The following IRAG1 variants were observed in gnomAD, a reference collection of about 807,000 sequenced individuals.
IRAG1 encodes IP3R-associated cGMP kinase substrate.
IRAG1 carries 62 observed loss-of-function variants against 106.2 expected under a neutral mutation model. The observed-to-expected ratio is 0.58, with a 90% CI of 0.48 to 0.72. IRAG1 has a LOEUF of 0.72. Ranked by LOEUF, IRAG1 falls within the 30% of genes least tolerant of loss-of-function variation. IRAG1 has a pLI of 0.00. For missense variants in IRAG1, 1,064 were observed against 1,140.7 expected (o/e 0.93, Z 0.97); for synonymous variants, 462 against 443.9 (o/e 1.04, Z -0.51).
intron 20 of IRAG1, among the ~76,000 whole-genome samples, chr11:10,578,231 A>G (rs937937114): frequency 4.0e-5 from 6 of 150,854 alleles, no homozygotes; most frequent in African/African-American, 1.2e-4. Context: ...CTGTTTCCTG[A>G]GAGTTATTGG....
chr11:10,620,599 A>C (rs1211527699), intron 10 of IRAG1, among the ~76,000 whole-genome samples: 1 of 152,344 alleles, frequency 6.6e-6, no homozygotes, highest in Admixed American at 6.5e-5. Context: ...GAAATTTCAC[A>C]CTAATAATAA....
chr11:10,616,930 G>C (rs1284074271), intron 10 of IRAG1: 1 of 590,928 alleles, frequency 1.7e-6, no homozygotes, highest in Non-Finnish European at 2.1e-6. Context: ...ATTTGTTTCT[G>C]ACCATGTCAG....
At chr11:10,641,223 G>A (rs1366341980) in intron 2 of IRAG1, among the ~76,000 whole-genome samples, 2 of 152,244 alleles carry the variant, frequency 1.3e-5, no homozygotes, top group African/African-American at 4.8e-5. Flanking sequence ...CTGTGGAAGT[G>A]CACCTAGCAC....
intron 18 of IRAG1, among the ~76,000 whole-genome samples, chr11:10,584,239 G>A (rs1006979585): frequency 7.2e-5 from 11 of 152,160 alleles, no homozygotes; most frequent in Admixed American, 5.9e-4. Flanking sequence ...TGAACTCTCA[G>A]ACAGGGTTTA....
chr11:10,689,057 A>G (rs1229521824), intron 1 of IRAG1, among the ~76,000 whole-genome samples: 1 of 152,262 alleles, frequency 6.6e-6, no homozygotes, highest in Non-Finnish European at 1.5e-5. Context: ...GTTAGCTACC[A>G]TTGTCATTAC....
At chr11:10,631,969 C>T in intron 4 of IRAG1, 22 bp downstream of exon 4, 1 of 1,609,700 alleles carries the variant, frequency 6.2e-7, no homozygotes, top group African/African-American at 1.3e-5. Context: ...CTCAACATGC[C>T]TTAGATTGCC....
intron 11 of IRAG1, among the ~76,000 whole-genome samples, chr11:10,608,142 G>T (rs1324368126): frequency 6.6e-6 from 1 of 152,028 alleles, no homozygotes; most frequent in Non-Finnish European, 1.5e-5. Context: ...TGGGGACAGG[G>T]TCTCGCTCTG....
At chr11:10,693,503 G>A in intron 1 of IRAG1, 33 bp downstream of exon 1, 2 of 1,535,294 alleles carry the variant, frequency 1.3e-6, no homozygotes, top group Middle Eastern at 1.7e-4. Flanking sequence ...CAGCCGAAGA[G>A]GCAGGTTATT....
chr11:10,582,585 G>C (rs1280088519), intron 18 of IRAG1, among the ~76,000 whole-genome samples: 1 of 152,238 alleles, frequency 6.6e-6, no homozygotes, highest in Non-Finnish European at 1.5e-5. Context: ...TGTTTAGAGT[G>C]AATAGTTAGA....
Position 10,628,926 on chromosome 11 carries a change from G to T in IRAG1, c.575-98C>A. The T allele has an allele frequency of 8.4e-7, 1 of 1,187,182 alleles. No homozygotes were observed. The highest frequency in any genetic ancestry group is 1.2e-6 in the Non-Finnish European group (1 of 837,762). The allele number at this position is 1,187,182 out of a possible 1,614,324, so 73.5% of individuals were successfully genotyped here. Reference sequence around the variant, plus strand: ...AGGTATTCCCAGGCCCTGGGAACTGGGTCTGCCTTGCTGGGCTCAGGGGCT... The same window carrying T: ...AGGTATTCCCAGGCCCTGGGAACTGTGTCTGCCTTGCTGGGCTCAGGGGCT... On this transcript the variant is annotated intron_variant, in intron 5 of 20. Coordinates refer to ENST00000423302, the MANE Select transcript of IRAG1 (RefSeq NM_130385.4). The surrounding 1 kb of genome is among the most constrained non-coding windows in gnomAD (Gnocchi z 4.1).
intron 8 of IRAG1, 46 bp from the exon 9 acceptor site, chr11:10,626,629 G>A: frequency 1.3e-6 from 2 of 1,539,882 alleles, no homozygotes; most frequent in Non-Finnish European, 1.7e-6. Flanking sequence ...GCAGGTTGAG[G>A]GGAAACAGGT....
chr11:10,636,440 G>A (rs1857154458), intron 2 of IRAG1, among the ~76,000 whole-genome samples: 1 of 152,158 alleles, frequency 6.6e-6, no homozygotes, highest in Non-Finnish European at 1.5e-5. Flanking sequence ...GCCTCTGAAG[G>A]TGCTGGGATT....
At chr11:10,608,366 G>C (rs571854395) in intron 11 of IRAG1, among the ~76,000 whole-genome samples, 19 of 152,218 alleles carry the variant, frequency 1.2e-4, no homozygotes, top group African/African-American at 4.6e-4. Flanking sequence ...TTGGCCTCAA[G>C]TGATCCTCTT....
chr11:10,620,579 AAAT>A (rs1442325259), intron 10 of IRAG1, among the ~76,000 whole-genome samples: 2 of 152,312 alleles, frequency 1.3e-5, no homozygotes, highest in African/African-American at 4.8e-5. Flanking sequence ...AAATTAATTG[AAAT>A]AATAATGAAA....
Position 10,659,454 on chromosome 11 carries a change from G to A in IRAG1, c.68-7272C>T, listed in dbSNP as rs1380490885. 6.6e-6 allele frequency among the ~76,000 whole-genome samples: 1 copy of A among 152,196 alleles called. No individual in the cohort carries two copies. Among genetic ancestry groups the A allele is most frequent in the Admixed American group, 6.5e-5 (1 of 15,288 alleles). On this transcript the variant is annotated intron_variant, in intron 1 of 20. Coordinates refer to ENST00000423302, the MANE Select transcript of IRAG1 (RefSeq NM_130385.4). The surrounding 1 kb of genome is among the most constrained non-coding windows in gnomAD (Gnocchi z 4.1). ...AGTGGAAGTCACTTCCCCCAAGACT[G>A]TGTCCCCTAAACAAAGTCACGTTTC...
Position 10,693,742 on chromosome 11 carries a change from CG to C in IRAG1, c.-141del, listed in dbSNP as rs1862238654. The C allele has an allele frequency of 2.0e-6, 2 of 1,019,770 alleles. No individual in the cohort carries two copies. Among genetic ancestry groups the C allele is most frequent in the African/African-American group, 1.6e-5 (1 of 62,086 alleles). 63.2% of individuals were successfully genotyped at this position (1,019,770 alleles called of 1,614,324 possible). A position where few individuals can be genotyped will look rare whatever the true frequency, so the allele number is the denominator to read the frequency against. The stretch of plus-strand genomic sequence containing the variant: ...CTGGGAGCCCCACTCCGGCCTGGCT[CG>C]GGGGATAATGGCAGGGAAAGCCGAC... On this transcript the variant is annotated 5_prime_UTR_variant, in exon 1 of 21. Transcript: ENST00000423302.
At chr11:10,615,719 G>A (rs545342363) in intron 10 of IRAG1, among the ~76,000 whole-genome samples, 23 of 152,008 alleles carry the variant, frequency 1.5e-4, no homozygotes, top group African/African-American at 4.8e-4. Context: ...ACTCATAGGC[G>A]GGAATTGAAC....
At chr11:10,656,223 C>A (rs761941016) in intron 1 of IRAG1, among the ~76,000 whole-genome samples, 53 of 152,208 alleles carry the variant, frequency 3.5e-4, no homozygotes, top group Non-Finnish European at 7.1e-4. Context: ...CCTTCTTTAA[C>A]CCATTTTCAG....
intron 10 of IRAG1, among the ~76,000 whole-genome samples, chr11:10,618,559 A>G (rs1855601042): frequency 6.6e-6 from 1 of 152,206 alleles, no homozygotes; most frequent in African/African-American, 2.4e-5. Context: ...ACAATTTCAC[A>G]CTGAGAGATT....
Sources: gnomAD v4.1 joint callset for allele counts (sites outside exome capture counted in the v4.1 genomes callset) on GRCh38, gnomAD v4.1.1 for gene constraint, Gnocchi (gnomAD v3.1) non-coding constraint, MANE v1.5 for transcripts, NCBI Gene and HGNC (gene_info 2026-07-23, HGNC 2026-07-21) for gene names.